The following FBXL7 variants were observed in gnomAD, a reference collection of about 807,000 sequenced individuals.
FBXL7 encodes the protein F-box and leucine rich repeat protein 7, also known as F-box/LRR-repeat protein 7.
A neutral mutation model predicts 38.3 loss-of-function variants in FBXL7; 12 were observed. The observed-to-expected ratio is 0.31, with a 90% confidence interval of 0.20 to 0.51. FBXL7 has a LOEUF of 0.51. Ranked by LOEUF, FBXL7 falls within the 20% of genes least tolerant of loss-of-function variation. The probability of loss-of-function intolerance (pLI) is 0.98; values close to 1 mark genes in which losing one functional copy is unlikely to be tolerated. For missense variants in FBXL7, 567 were observed against 676.4 expected, an observed-to-expected ratio of 0.84 and a Z score of 1.79; for synonymous variants, 297 against 300.9, an observed-to-expected ratio of 0.99 and a Z score of 0.13.
intron 2 of FBXL7, among the ~76,000 whole-genome samples, chr5:15,903,299 G>C (rs1741276531): frequency 6.6e-6 from 1 of 152,166 alleles, no homozygotes; most frequent in African/African-American, 2.4e-5. Context: ...GGGAGAAGGG[G>C]TTTAGAGTAA....
chr5:15,898,546 A>G (rs893207953), intron 2 of FBXL7, among the ~76,000 whole-genome samples: 2 of 152,238 alleles, frequency 1.3e-5, no homozygotes, highest in African/African-American at 2.4e-5. Flanking sequence ...CATCATTCTC[A>G]AAGGAGATTT....
chr5:15,836,408 G>A lies in FBXL7; in HGVS notation c.128-91482G>A, dbSNP rs1464922528. On this transcript the variant is annotated intron_variant, in intron 2 of 3. Transcript: ENST00000504595. Reference sequence around the variant, plus strand: ...AGAACAAAAAGAAAAAGAAAAACTAGATCATGTTAAGAGAGATTGGGAAGA... The same window carrying A: ...AGAACAAAAAGAAAAAGAAAAACTAAATCATGTTAAGAGAGATTGGGAAGA... Among the ~76,000 whole-genome samples, 4 of 152,142 alleles carry A rather than the reference G, an allele frequency of 2.6e-5. No homozygotes were observed. The East Asian group carries it at 7.7e-4, about 29-fold the overall frequency.
At chr5:15,735,176 G>A (rs1354320651) in intron 2 of FBXL7, among the ~76,000 whole-genome samples, 1 of 152,150 alleles carries the variant, frequency 6.6e-6, no homozygotes, top group Non-Finnish European at 1.5e-5. Context: ...CAGGTGATCC[G>A]CCTGCCTTGG....
intron 2 of FBXL7, among the ~76,000 whole-genome samples, chr5:15,703,302 A>T (rs1351309640): frequency 2.0e-5 from 3 of 152,256 alleles, no homozygotes; most frequent in Non-Finnish European, 4.4e-5. Flanking sequence ...TGAGGTTACA[A>T]TGGGCATTCA....
At chr5:15,785,091 CTG>C (rs775731989) in intron 2 of FBXL7, among the ~76,000 whole-genome samples, 83 of 152,168 alleles carry the variant, frequency 5.5e-4, no homozygotes, top group Non-Finnish European at 1.0e-3. Flanking sequence ...GCACGAGACT[CTG>C]TGCAGTTATC....
chr5:15,581,163 G>A (rs1367566977), intron 1 of FBXL7, among the ~76,000 whole-genome samples: 1 of 152,104 alleles, frequency 6.6e-6, no homozygotes, highest in African/African-American at 2.4e-5. Context: ...AGCCTACTGA[G>A]TACCACATTA....
chr5:15,744,964 A>C (rs1473025272), intron 2 of FBXL7, among the ~76,000 whole-genome samples: 1 of 152,166 alleles, frequency 6.6e-6, no homozygotes, highest in African/African-American at 2.4e-5. Flanking sequence ...AACTGCCCCC[A>C]TGATTCAATT....
chr5:15,818,744 G>GTGTGTGTT (rs60262948), intron 2 of FBXL7, among the ~76,000 whole-genome samples: 1 of 26,402 alleles, frequency 3.8e-5, no homozygotes, highest in Non-Finnish European at 1.2e-4. Context: ...GTGTGTGTGT[G>GTGTGTGTT]AGAGAGAGAG....
At chr5:15,830,848 C>G (rs182006181) in intron 2 of FBXL7, among the ~76,000 whole-genome samples, 9 of 152,244 alleles carry the variant, frequency 5.9e-5, no homozygotes, top group Non-Finnish European at 8.8e-5. Context: ...TCCCAGCACT[C>G]AGGCTCAACT....
rs142596251 is a variant in FBXL7, at chr5:15,863,388, A to G, written c.128-64502A>G. On this transcript the variant is annotated intron_variant, in intron 2 of 3. Coordinates refer to ENST00000504595, the MANE Select transcript of FBXL7 (RefSeq NM_012304.5). ...AAGTCTTTTTTCATGTGCTTTTGCC[A>G]GAGAATATAGAGTTATATTCACATA... Among the ~76,000 whole-genome samples, 13 of 152,336 alleles carry G rather than the reference A, an allele frequency of 8.5e-5. No homozygotes were observed. In the East Asian group the frequency reaches 2.5e-3, roughly 29 times the overall value.
intron 2 of FBXL7, among the ~76,000 whole-genome samples, chr5:15,630,955 A>C (rs1467120152): frequency 1.6e-4 from 24 of 152,270 alleles, no homozygotes; most frequent in African/African-American, 5.5e-4. Context: ...GTGAGGAGTA[A>C]ATTAAAAAAT....
intron 1 of FBXL7, among the ~76,000 whole-genome samples, chr5:15,534,578 G>A (rs1189116304): frequency 1.3e-5 from 2 of 152,186 alleles, no homozygotes; most frequent in East Asian, 3.8e-4. Flanking sequence ...GGAAATCTTG[G>A]TTGCTTCCAA....
chr5:15,614,697 G>A (rs1030129508), intron 1 of FBXL7, among the ~76,000 whole-genome samples: 5 of 152,104 alleles, frequency 3.3e-5, no homozygotes, highest in African/African-American at 1.2e-4. Context: ...TCTTTTGTTC[G>A]GGTCTCACAG....
At chr5:15,648,848 A>G (rs1050691680) in intron 2 of FBXL7, among the ~76,000 whole-genome samples, 2 of 148,832 alleles carry the variant, frequency 1.3e-5, no homozygotes, top group Admixed American at 6.7e-5. Flanking sequence ...AAACTGTTTT[A>G]TTGTCTCAGA....
At chr5:15,620,442 G>T (rs1191877100) in intron 2 of FBXL7, among the ~76,000 whole-genome samples, 2 of 149,062 alleles carry the variant, frequency 1.3e-5, no homozygotes, top group Admixed American at 6.7e-5. Context: ...TAGAAACGGG[G>T]TTTCACCATG....
rs574192770 is a variant in FBXL7 at position 15,788,476 on chromosome 5, A to G, written c.128-139414A>G. 2.6e-5 allele frequency among the ~76,000 whole-genome samples: 4 copies of G among 152,326 alleles called. No homozygotes were observed. The East Asian group carries it at 7.7e-4, about 29-fold the overall frequency. On this transcript the variant is annotated intron_variant, in intron 2 of 3. Coordinates refer to ENST00000504595, the MANE Select transcript of FBXL7 (RefSeq NM_012304.5). ...AGAAAAGGGAATTGGGAAAGAGAAAAGAAGCATCTCAAATTTTGCTGGGAG... is the reference window on the plus strand; with the variant it reads ...AGAAAAGGGAATTGGGAAAGAGAAAGGAAGCATCTCAAATTTTGCTGGGAG...
At chr5:15,853,517 C>G (rs1311101295) in intron 2 of FBXL7, among the ~76,000 whole-genome samples, 2 of 151,914 alleles carry the variant, frequency 1.3e-5, no homozygotes, top group Non-Finnish European at 2.9e-5. Flanking sequence ...ATTCCTGGGA[C>G]CTTAGTAATG....
rs949853420 is a variant in FBXL7, at chr5:15,798,944, C to G, written c.128-128946C>G. 2.0e-5 allele frequency among the ~76,000 whole-genome samples: 3 copies of G among 152,152 alleles called. No individual in the cohort carries two copies. The East Asian group carries it at 5.8e-4, about 29-fold the overall frequency. On this transcript the variant is annotated intron_variant, in intron 2 of 3. Coordinates refer to ENST00000504595, the MANE Select transcript of FBXL7 (RefSeq NM_012304.5). ...ACTAAAAATGCAGTGCAATGATATC[C>G]AGGCAGTTGGCAGTACCACGTGGTG...
At chr5:15,561,955 T>C (rs542913174) in intron 1 of FBXL7, among the ~76,000 whole-genome samples, 2 of 152,230 alleles carry the variant, frequency 1.3e-5, no homozygotes, top group East Asian at 1.9e-4. Flanking sequence ...TGGAATATAA[T>C]AGAGCCTAGA....
Sources: gnomAD v4.1 joint callset for allele counts (sites outside exome capture counted in the v4.1 genomes callset) on GRCh38, gnomAD v4.1.1 for gene constraint, MANE v1.5 for transcripts, NCBI Gene and HGNC (gene_info 2026-07-23, HGNC 2026-07-21) for gene names.